The following CARD8 variants were observed in gnomAD, a reference collection of about 807,000 sequenced individuals.
The protein encoded by CARD8 is caspase recruitment domain family member 8.
CARD8 carries 38 observed loss-of-function variants against 53.2 expected under a neutral mutation model. The ratio of observed to expected loss-of-function variants is 0.71; its 90% CI spans 0.55 to 0.94. The LOEUF (loss-of-function observed/expected upper bound fraction) is 0.94. Ranked by LOEUF, CARD8 falls within the 40% of genes least tolerant of loss-of-function variation. The probability of loss-of-function intolerance (pLI) is 0.00; values close to 1 mark genes in which losing one functional copy is unlikely to be tolerated. For synonymous variants in CARD8, 245 were observed against 244.9 expected (o/e 1.00, Z 0.00); for missense variants, 561 against 655.5 (o/e 0.86, Z 1.57).
At chr19:48,238,245 T>C in intron 5 of CARD8, 138 bp downstream of exon 5, 3 of 1,376,020 alleles carry the variant, frequency 2.2e-6, no homozygotes, top group Non-Finnish European at 2.9e-6. Context: ...AAACTTAAGA[T>C]AACAAAGAAG....
intron 10 of CARD8, 54 bp downstream of exon 10, chr19:48,230,384 T>C: frequency 6.5e-7 from 1 of 1,542,798 alleles, no homozygotes; most frequent in Non-Finnish European, 8.8e-7. Flanking sequence ...GCCAAGGGGA[T>C]AACCTGGAAA....
At chr19:48,251,457 T>C (rs1355464940) in intron 1 of CARD8, among the ~76,000 whole-genome samples, 1 of 152,200 alleles carries the variant, frequency 6.6e-6, no homozygotes, top group African/African-American at 2.4e-5. Flanking sequence ...CCTCTTTCAT[T>C]TTCCTCTGGA....
chr19:48,218,332 G>T (rs190998560), intron 12 of CARD8, among the ~76,000 whole-genome samples: 1 of 149,776 alleles, frequency 6.7e-6, no homozygotes, highest in African/African-American at 2.5e-5. Context: ...AGCCCTGCAC[G>T]CATTAGCTAT....
At chr19:48,217,618 A>ATGTT (rs2039598124) in intron 12 of CARD8, among the ~76,000 whole-genome samples, 1 of 151,716 alleles carries the variant, frequency 6.6e-6, no homozygotes, top group Non-Finnish European at 1.5e-5. Context: ...CTCCTATGCA[A>ATGTT]ATGTTAATAT....
chr19:48,207,732 C>CTGTTTTTTTTTGTT (rs1194788071), downstream of CARD8, among the ~76,000 whole-genome samples: 1 of 91,278 alleles, frequency 1.1e-5, no homozygotes, highest in Non-Finnish European at 2.1e-5. Flanking sequence ...TGTTGTTTTT[C>CTGTTTTTTTTTGTT]TGTTTTTTTT....
rs1319466047 is a variant in CARD8, at chr19:48,232,449, T to C, written c.391+4A>G. The C allele has an allele frequency of 1.3e-6, 2 of 1,535,152 alleles. No individual in the cohort carries two copies. The highest frequency in any genetic ancestry group is 2.4e-5 in the East Asian group (1 of 40,930). On this transcript the variant is annotated splice_donor_region_variant and intron_variant, in intron 7 of 13. Coordinates refer to ENST00000651546, the MANE Select transcript of CARD8 (RefSeq NM_001184900.3). ...CTTCACTCCTCTCCCTATTAGCCCATTACCTGAATCTTGTCCCTCTGAAGA... is the reference window on the plus strand; with the variant it reads ...CTTCACTCCTCTCCCTATTAGCCCACTACCTGAATCTTGTCCCTCTGAAGA...
chr19:48,246,541 T>C (rs2046141220), intron 3 of CARD8, among the ~76,000 whole-genome samples: 1 of 152,110 alleles, frequency 6.6e-6, no homozygotes, highest in African/African-American at 2.4e-5. Context: ...TACTTCTCGA[T>C]AGATAGACTG....
chr19:48,242,534 C>T (rs886628018), intron 3 of CARD8: 20 of 152,354 alleles, frequency 1.3e-4, no homozygotes, highest in African/African-American at 4.1e-4. Flanking sequence ...TACCGCATAA[C>T]AGCACCTCCT....
chr19:48,223,599 C>T, intron 10 of CARD8: 4 of 282,372 alleles, frequency 1.4e-5, no homozygotes, highest in South Asian at 1.3e-4. Context: ...TTTACATGAA[C>T]AGATATGTTT....
chr19:48,248,443 A>G (rs1555859595), intron 3 of CARD8, among the ~76,000 whole-genome samples: 2 of 152,262 alleles, frequency 1.3e-5, no homozygotes, highest in Non-Finnish European at 1.5e-5. Flanking sequence ...AATTAATGAT[A>G]TAAATAAGGA....
At chr19:48,255,250 C>T (rs893988537) in intron 1 of CARD8, among the ~76,000 whole-genome samples, 9 of 152,150 alleles carry the variant, frequency 5.9e-5, no homozygotes, top group African/African-American at 1.4e-4. Context: ...CCTGTAGTCC[C>T]AGCTACTTGG....
chr19:48,216,512 G>C (rs535299235), intron 12 of CARD8, among the ~76,000 whole-genome samples: 1 of 152,146 alleles, frequency 6.6e-6, no homozygotes, highest in African/African-American at 2.4e-5. Flanking sequence ...GGCCTGGGTC[G>C]GCTGAGCATC....
Position 48,236,511 on chromosome 19 carries a change from G to C in CARD8, c.209+1872C>G, listed in dbSNP as rs538734645. 3.3e-5 allele frequency among the ~76,000 whole-genome samples: 5 copies of C among 152,330 alleles called. No individual in the cohort carries two copies. In the South Asian group the frequency reaches 8.3e-4, roughly 25 times the overall value. On this transcript the variant is annotated intron_variant, in intron 5 of 13. Transcript: ENST00000651546. Reference sequence around the variant, plus strand: ...TTACACCTGTGAGCCACCGCACCCAGTCTGGGATAGGTTTTATTAAACAAA... The same window carrying C: ...TTACACCTGTGAGCCACCGCACCCACTCTGGGATAGGTTTTATTAAACAAA...
At chr19:48,205,180 GTACTC>G (rs2037297818), downstream of CARD8, among the ~76,000 whole-genome samples, 2 of 152,186 alleles carry the variant, frequency 1.3e-5, no homozygotes, top group African/African-American at 4.8e-5. Flanking sequence ...ACTATGCTAA[GTACTC>G]TTATTTTTAA....
chr19:48,241,067 A>C lies in CARD8; in HGVS notation c.-43-4T>G. 1 of 1,440,558 alleles carries C rather than the reference A, an allele frequency of 6.9e-7. No homozygotes were observed. The highest frequency in any genetic ancestry group is 9.4e-7 in the Non-Finnish European group (1 of 1,061,354). 89.2% of individuals were successfully genotyped at this position (1,440,558 alleles called of 1,614,324 possible). On this transcript the variant is annotated splice_region_variant and splice_polypyrimidine_tract_variant and intron_variant, in intron 3 of 13. Transcript: ENST00000651546. ...TCTTTACTGTATCTTTTTTACCCTG[A>C]AAAAATAAAAGGAGGTTGTATTTAG...
downstream of CARD8, among the ~76,000 whole-genome samples, chr19:48,207,880 C>T (rs1006155626): frequency 6.6e-6 from 1 of 151,792 alleles, no homozygotes; most frequent in African/African-American, 2.4e-5. Flanking sequence ...GGATTACAGA[C>T]ATGCACCACC....
intron 4 of CARD8, among the ~76,000 whole-genome samples, chr19:48,240,593 A>AC: frequency 6.6e-6 from 1 of 151,698 alleles, no homozygotes; most frequent in East Asian, 1.9e-4. Context: ...ACATGATGAA[A>AC]CCCCGTCTCT....
intron 10 of CARD8, among the ~76,000 whole-genome samples, chr19:48,228,771 C>T (rs1260723831): frequency 1.3e-5 from 2 of 151,854 alleles, no homozygotes; most frequent in Non-Finnish European, 1.5e-5. Flanking sequence ...AAAGAGGATG[C>T]CTCGGGTGTG....
At chr19:48,212,463 C>T (rs1302486687) in intron 13 of CARD8, among the ~76,000 whole-genome samples, 2 of 152,184 alleles carry the variant, frequency 1.3e-5, no homozygotes, top group African/African-American at 4.8e-5. Context: ...AAAGGAAGAA[C>T]AGGGGAAAAG....
Sources: allele counts gnomAD v4.1 joint callset (sites outside exome capture counted in the v4.1 genomes callset), GRCh38; gene constraint gnomAD v4.1.1; transcripts MANE v1.5; gene names NCBI Gene and HGNC (gene_info 2026-07-23, HGNC 2026-07-21).